The following CSMD1 variants were observed in gnomAD, a reference collection of about 807,000 sequenced individuals.
CSMD1 encodes CUB and Sushi multiple domains 1.
CSMD1 carries 213 observed loss-of-function variants against 417.5 expected under a neutral mutation model. The observed-to-expected ratio is 0.51, with a 90% CI of 0.46 to 0.57. CSMD1 has a LOEUF of 0.57. Among genes scored for constraint, CSMD1 ranks in the 20% least tolerant of loss-of-function variants. The pLI, the probability that CSMD1 is intolerant of heterozygous loss-of-function variation, is 0.00. For missense variants in CSMD1, 6,923 were observed against 4,529.7 expected, an observed-to-expected ratio of 1.53 and a Z score of -15.17; for synonymous variants, 2,862 against 1,736.8, an observed-to-expected ratio of 1.65 and a Z score of -16.11.
intron 5 of CSMD1, among the ~76,000 whole-genome samples, chr8:3,935,867 G>A (rs1273683336): frequency 6.6e-6 from 1 of 152,088 alleles, no homozygotes; most frequent in Non-Finnish European, 1.5e-5. Context: ...GAAATCATTG[G>A]CCTTAGTGAG....
At chr8:3,236,739 T>C (rs62504967) in intron 26 of CSMD1, among the ~76,000 whole-genome samples, 2 of 152,226 alleles carry the variant, frequency 1.3e-5, no homozygotes, top group Non-Finnish European at 2.9e-5. Context: ...TTCTCTTAAA[T>C]ATGTTTTCTG....
chr8:3,304,911 T>C (rs572201903), intron 25 of CSMD1, among the ~76,000 whole-genome samples: 1 of 152,264 alleles, frequency 6.6e-6, no homozygotes, highest in South Asian at 2.1e-4. Flanking sequence ...AGAAGATAAA[T>C]TATTTTTATA....
chr8:4,680,655 C>T (rs1040915916), intron 1 of CSMD1, among the ~76,000 whole-genome samples: 1 of 152,122 alleles, frequency 6.6e-6, no homozygotes, highest in Non-Finnish European at 1.5e-5. Context: ...TCTTGGCTCA[C>T]TGCAACCTCT....
At chr8:3,769,518 T>C (rs1798461684) in intron 5 of CSMD1, among the ~76,000 whole-genome samples, 1 of 148,982 alleles carries the variant, frequency 6.7e-6, no homozygotes, top group African/African-American at 2.4e-5. Flanking sequence ...AAAAATATAA[T>C]ATCATTAAAA....
intron 1 of CSMD1, among the ~76,000 whole-genome samples, chr8:4,811,661 T>A (rs2117336374): frequency 1.3e-5 from 2 of 152,228 alleles, no homozygotes; most frequent in South Asian, 4.2e-4. Context: ...CTTTTTAAGT[T>A]GAAATGATTT....
chr8:4,203,663 TC>T (rs1442313460), intron 3 of CSMD1, among the ~76,000 whole-genome samples: 1 of 151,988 alleles, frequency 6.6e-6, no homozygotes, highest in African/African-American at 2.4e-5. Flanking sequence ...AGTTGGTTCC[TC>T]TCCTGGCCAT....
chr8:3,259,082 T>TA (rs1189383919), intron 26 of CSMD1, among the ~76,000 whole-genome samples: 1 of 152,168 alleles, frequency 6.6e-6, no homozygotes, highest in Non-Finnish European at 1.5e-5. Flanking sequence ...TACTTATATA[T>TA]AAAGCAGGTA....
intron 5 of CSMD1, among the ~76,000 whole-genome samples, chr8:3,822,758 G>C (rs909399566): frequency 8.5e-5 from 13 of 152,152 alleles, no homozygotes; most frequent in Admixed American, 7.9e-4. Context: ...GGAAATACAG[G>C]TTTGTTGAGA....
rs1798635129 is a variant in CSMD1 at position 4,566,804 on chromosome 8, T to C, written c.302+70538A>G. On this transcript the variant is annotated intron_variant, in intron 2 of 69. Coordinates refer to ENST00000635120, the MANE Select transcript of CSMD1 (RefSeq NM_033225.6). ...ATAAAATCGTATGTTTGTTTGCAAA[T>C]TGTTTCAGCAAAGTTATCTGGGCCT... Among the ~76,000 whole-genome samples the C allele has an allele frequency of 3.3e-5, 5 of 152,018 alleles. No individual in the cohort carries two copies. In the South Asian group the frequency reaches 1.0e-3, roughly 32 times the overall value.
In CSMD1 at chr8:3,897,475, T is replaced by C. The variant is rs375327668; in HGVS notation, c.818+100428A>G. On this transcript the variant is annotated intron_variant, in intron 5 of 69. Transcript: ENST00000635120. ...TAAAGTCATGCATATATAAACTAAATTTTTATTTATGATCTTAAAGTCATG... is the reference window on the plus strand; with the variant it reads ...TAAAGTCATGCATATATAAACTAAACTTTTATTTATGATCTTAAAGTCATG... Among the ~76,000 whole-genome samples the C allele has an allele frequency of 2.6e-5, 4 of 152,144 alleles. No individual in the cohort carries two copies. The South Asian group carries it at 8.3e-4, about 31-fold the overall frequency.
chr8:4,521,127 T>C (rs962950841), intron 2 of CSMD1, among the ~76,000 whole-genome samples: 4 of 152,270 alleles, frequency 2.6e-5, no homozygotes, highest in Admixed American at 6.5e-5. Context: ...TTCTTCAAAG[T>C]TCATCAATTT....
chr8:4,863,236 T>A (rs1242184813), intron 1 of CSMD1, among the ~76,000 whole-genome samples: 2 of 152,260 alleles, frequency 1.3e-5, no homozygotes, highest in South Asian at 4.1e-4. Flanking sequence ...AAAATAATCA[T>A]GTGTTTTGAG....
intron 36 of CSMD1, among the ~76,000 whole-genome samples, chr8:3,183,417 CTGAAA>C (rs1821550568): frequency 5.5e-5 from 8 of 144,296 alleles, no homozygotes; most frequent in Admixed American, 4.1e-4. Flanking sequence ...CTATCTATCC[CTGAAA>C]CATCGAGTAG....
chr8:3,318,491 A>AAAAG (rs753179471), intron 23 of CSMD1, among the ~76,000 whole-genome samples: 4 of 151,992 alleles, frequency 2.6e-5, no homozygotes, highest in Non-Finnish European at 5.9e-5. Context: ...CTGTGTAGAT[A>AAAAG]AAAGATAACA....
chr8:3,875,408 T>C (rs527652678), intron 5 of CSMD1, among the ~76,000 whole-genome samples: 1 of 152,218 alleles, frequency 6.6e-6, no homozygotes, highest in Non-Finnish European at 1.5e-5. Context: ...TATGAAGTTA[T>C]GGATTGGAGG....
intron 12 of CSMD1, among the ~76,000 whole-genome samples, chr8:3,429,199 C>T (rs551096646): frequency 2.6e-5 from 4 of 151,592 alleles, no homozygotes; most frequent in South Asian, 2.1e-4. Flanking sequence ...ATGTTTTTAC[C>T]GTAAAGAAAC....
intron 3 of CSMD1, among the ~76,000 whole-genome samples, chr8:4,255,782 C>T (rs932899183): frequency 2.6e-5 from 4 of 152,226 alleles, no homozygotes; most frequent in African/African-American, 9.6e-5. Context: ...TTAAAGAAAA[C>T]CCCAGCTCCA....
intron 3 of CSMD1, among the ~76,000 whole-genome samples, chr8:4,381,309 A>G (rs1803086673): frequency 6.6e-6 from 1 of 152,138 alleles, no homozygotes; most frequent in African/African-American, 2.4e-5. Flanking sequence ...CTGGGTGGGG[A>G]ATTGCACTGG....
intron 6 of CSMD1, among the ~76,000 whole-genome samples, chr8:3,742,021 G>T (rs1255573637): frequency 1.3e-5 from 2 of 150,646 alleles, no homozygotes; most frequent in Non-Finnish European, 2.9e-5. Flanking sequence ...TTCGAGGCTG[G>T]AATTCTCTCC....
Sources: allele counts gnomAD v4.1 joint callset (sites outside exome capture counted in the v4.1 genomes callset), GRCh38; gene constraint gnomAD v4.1.1; transcripts MANE v1.5; gene names NCBI Gene and HGNC (gene_info 2026-07-23, HGNC 2026-07-21).